CAMKMT: variants seen among roughly 807,000 people sequenced by gnomAD.
The protein encoded by CAMKMT is calmodulin-lysine N-methyltransferase.
Under a neutral mutation model 48.0 loss-of-function variants are expected in CAMKMT, and 53 were observed. The observed-to-expected ratio is 1.10, with a 90% CI of 0.89 to 1.39. The LOEUF (loss-of-function observed/expected upper bound fraction) is 1.39. CAMKMT is among the 40% of genes most tolerant of loss of function. CAMKMT has a pLI of 0.00. For synonymous variants in CAMKMT, 165 were observed against 152.3 expected, an observed-to-expected ratio of 1.08 and a Z score of -0.61; for missense variants, 428 against 402.7, an observed-to-expected ratio of 1.06 and a Z score of -0.54.
intron 3 of CAMKMT, among the ~76,000 whole-genome samples, chr2:44,522,353 C>G (rs72879390): frequency 0.021 from 3,210 of 152,168 alleles, 91 homozygotes; most frequent in African/African-American, 0.067. Context: ...TAAACTGATA[C>G]AATTCCTTTA....
At chr2:44,644,574 A>G (rs1673631393) in intron 3 of CAMKMT, among the ~76,000 whole-genome samples, 1 of 152,254 alleles carries the variant, frequency 6.6e-6, no homozygotes, top group East Asian at 1.9e-4. Flanking sequence ...AAAGCCATGT[A>G]TGTGAACAAC....
intron 3 of CAMKMT, among the ~76,000 whole-genome samples, chr2:44,617,217 A>G (rs1230113260): frequency 6.6e-6 from 1 of 152,162 alleles, no homozygotes; most frequent in African/African-American, 2.4e-5. Flanking sequence ...TAATCAGGAA[A>G]CTCAAAGTCA....
chr2:44,509,439 A>G (rs1670426961), intron 3 of CAMKMT, among the ~76,000 whole-genome samples: 1 of 152,014 alleles, frequency 6.6e-6, no homozygotes, highest in Non-Finnish European at 1.5e-5. Flanking sequence ...CCTTCTAAGT[A>G]GCTGGGACTA....
intron 3 of CAMKMT, among the ~76,000 whole-genome samples, chr2:44,641,564 A>G (rs201599067): frequency 0.02 from 3,015 of 151,498 alleles, 107 homozygotes; most frequent in East Asian, 0.14. Context: ...ATATATATAT[A>G]TATATAATTT....
At chr2:44,451,479 A>T (rs1219799173) in intron 3 of CAMKMT, among the ~76,000 whole-genome samples, 1 of 151,932 alleles carries the variant, frequency 6.6e-6, no homozygotes, top group African/African-American at 2.4e-5. Flanking sequence ...TCAAATTAAG[A>T]TATAATAGTT....
chr2:44,513,950 A>G (rs1670702307), intron 3 of CAMKMT, among the ~76,000 whole-genome samples: 2 of 151,944 alleles, frequency 1.3e-5, no homozygotes, highest in Non-Finnish European at 2.9e-5. Flanking sequence ...AAAAATGTAA[A>G]ACTTAGCCAG....
chr2:44,412,018 A>G (rs1024318180), intron 3 of CAMKMT, among the ~76,000 whole-genome samples: 6 of 116,988 alleles, frequency 5.1e-5, no homozygotes, highest in African/African-American at 2.0e-4. Context: ...TTTAGCAGAC[A>G]GTGTAGATTT....
chr2:44,741,516 A>G (rs1411820097), intron 7 of CAMKMT, among the ~76,000 whole-genome samples: 1 of 152,226 alleles, frequency 6.6e-6, no homozygotes, highest in Non-Finnish European at 1.5e-5. Flanking sequence ...GAAAGGTTAA[A>G]TAATTGCCTA....
chr2:44,528,973 C>T (rs1395965986), intron 3 of CAMKMT, among the ~76,000 whole-genome samples: 3 of 151,932 alleles, frequency 2.0e-5, no homozygotes, highest in Non-Finnish European at 2.9e-5. Flanking sequence ...GCCATTATTT[C>T]GTTAGGGGTT....
chr2:44,737,578 TG>T (rs1474544197), intron 7 of CAMKMT, among the ~76,000 whole-genome samples: 1 of 152,190 alleles, frequency 6.6e-6, no homozygotes, highest in African/African-American at 2.4e-5. Flanking sequence ...CTAATCTGGC[TG>T]GTGGAACACT....
At chr2:44,645,804 GA>G (rs1286927077) in intron 3 of CAMKMT, among the ~76,000 whole-genome samples, 2 of 152,158 alleles carry the variant, frequency 1.3e-5, no homozygotes, top group Non-Finnish European at 2.9e-5. Context: ...CTGGGCAACA[GA>G]GCAAGACTCC....
chr2:44,666,610 A>ATTTTTTTTTTTTTTTTTT (rs1674984437), intron 3 of CAMKMT, among the ~76,000 whole-genome samples: 2 of 140,512 alleles, frequency 1.4e-5, no homozygotes, highest in African/African-American at 6.1e-5. Context: ...GGCTCCTGGA[A>ATTTTTTTTTTTTTTTTTT]TCTTTTTTTT....
chr2:44,578,889 T>G (rs7582718), intron 3 of CAMKMT, among the ~76,000 whole-genome samples: 1,654 of 152,336 alleles, frequency 0.011, 26 homozygotes, highest in African/African-American at 0.037. Flanking sequence ...TACAGGCATC[T>G]TAACTCCTCA....
At chr2:44,685,244 A>T (rs1029331391) in intron 3 of CAMKMT, among the ~76,000 whole-genome samples, 1 of 152,218 alleles carries the variant, frequency 6.6e-6, no homozygotes, top group Admixed American at 6.5e-5. Context: ...TTATGTTATG[A>T]ATTCTCTCAA....
intron 3 of CAMKMT, among the ~76,000 whole-genome samples, chr2:44,463,707 G>C (rs902299950): frequency 6.6e-6 from 1 of 152,088 alleles, no homozygotes; most frequent in African/African-American, 2.4e-5. Flanking sequence ...GCGCAAGAGG[G>C]AGGAAGAAAC....
intron 2 of CAMKMT, among the ~76,000 whole-genome samples, chr2:44,377,551 G>A (rs1366845543): frequency 6.6e-6 from 1 of 152,014 alleles, no homozygotes; most frequent in Admixed American, 6.6e-5. Flanking sequence ...TATTCTGGAA[G>A]CTTTAAATTG....
chr2:44,415,863 CATGCT>C (rs1242574463), intron 3 of CAMKMT, among the ~76,000 whole-genome samples: 1 of 152,160 alleles, frequency 6.6e-6, no homozygotes, highest in African/African-American at 2.4e-5. Flanking sequence ...CACACTAAAT[CATGCT>C]GTGATTCATA....
chr2:44,406,295 C>G (rs575401384), intron 3 of CAMKMT, among the ~76,000 whole-genome samples: 52 of 151,660 alleles, frequency 3.4e-4, no homozygotes, highest in Middle Eastern at 3.4e-3. Context: ...TTTTTAATTA[C>G]CATTTTTTAA....
At chr2:44,748,312 A>T (rs1680001331) in intron 8 of CAMKMT, among the ~76,000 whole-genome samples, 1 of 152,182 alleles carries the variant, frequency 6.6e-6, no homozygotes, top group Non-Finnish European at 1.5e-5. Context: ...CTGTGATGTT[A>T]ACATCTTTGT....
Sources: gnomAD v4.1 joint callset for allele counts (sites outside exome capture counted in the v4.1 genomes callset) on GRCh38, gnomAD v4.1.1 for gene constraint, MANE v1.5 for transcripts, NCBI Gene and HGNC (gene_info 2026-07-23, HGNC 2026-07-21) for gene names.